Variants in PRMT1 observed in about 807,000 individuals in gnomAD.
PRMT1 encodes protein arginine N-methyltransferase 1.
A neutral mutation model predicts 47.4 loss-of-function variants in PRMT1; 5 were observed. The ratio of observed to expected loss-of-function variants is 0.11; its 90% CI spans 0.06 to 0.22. The LOEUF (loss-of-function observed/expected upper bound fraction) is 0.22. Ranked by LOEUF, PRMT1 falls within the 10% of genes least tolerant of loss-of-function variation. The pLI is 1.00. For missense variants in PRMT1, 249 were observed against 518.4 expected (o/e 0.48, Z 5.05); for synonymous variants, 227 against 204.6 (o/e 1.11, Z -0.94).
chr19:49,682,305 G>T, intron 5 of PRMT1, 46 bp downstream of exon 5: 1 of 1,587,416 alleles, frequency 6.3e-7, no homozygotes, highest in Non-Finnish European at 8.6e-7. Context: ...AGGGGGTGAT[G>T]CCCTGCTTCC....
chr19:49,684,606 G>A lies in PRMT1; in HGVS notation c.556-148G>A, dbSNP rs111663191. ...TGCCCCTGGGTGCCCTCTGGCGGCC[G>A]TGTGGGAAATAGACCAGGGGGCGAG... On this transcript the variant is annotated intron_variant, in intron 6 of 10. Coordinates refer to ENST00000454376, the MANE Select transcript of PRMT1 (RefSeq NM_001536.6). The surrounding 1 kb of genome is among the most constrained non-coding windows in gnomAD (Gnocchi z 6.2). 67 of 945,136 alleles carry A rather than the reference G, an allele frequency of 7.1e-5. No homozygotes were observed. The highest frequency in any genetic ancestry group is 3.2e-4 in the African/African-American group (19 of 59,854). 58.5% of individuals were successfully genotyped at this position (945,136 alleles called of 1,614,324 possible).
rs947761964 is a variant in PRMT1, at chr19:49,685,239, T to C, written c.759+202T>C. The stretch of plus-strand genomic sequence containing the variant: ...TGTGAGCGCTGCTGTGTGAGAACCA[T>C]GCTTGGCACTTGGCTTCTGGCGGAG... On this transcript the variant is annotated intron_variant, in intron 8 of 10. Coordinates refer to ENST00000454376, the MANE Select transcript of PRMT1 (RefSeq NM_001536.6). The surrounding 1 kb of genome is among the most constrained non-coding windows in gnomAD (Gnocchi z 4.7). 12 of 1,495,888 alleles carry C rather than the reference T, an allele frequency of 8.0e-6. No homozygotes were observed. Among genetic ancestry groups the C allele is most frequent in the Admixed American group, 4.3e-5 (2 of 46,960 alleles). 92.7% of individuals were successfully genotyped at this position (1,495,888 alleles called of 1,614,324 possible).
Position 49,680,795 on chromosome 19 carries a change from C to G in PRMT1, c.192+207C>G, listed in dbSNP as rs1338482961. ...CCTGAATCTCTGCAGGGGCCTCGCGCCGAAGGCTGGGGTGGGAGAGCGCAT... is the reference window on the plus strand; with the variant it reads ...CCTGAATCTCTGCAGGGGCCTCGCGGCGAAGGCTGGGGTGGGAGAGCGCAT... On this transcript the variant is annotated intron_variant, in intron 3 of 10. Coordinates refer to ENST00000454376, the MANE Select transcript of PRMT1 (RefSeq NM_001536.6). The surrounding 1 kb of genome is among the most constrained non-coding windows in gnomAD (Gnocchi z 4.2). Among the ~76,000 whole-genome samples, 3 of 152,248 alleles carry G rather than the reference C, an allele frequency of 2.0e-5. No individual in the cohort carries two copies. The highest frequency in any genetic ancestry group is 7.2e-5 in the African/African-American group (3 of 41,472).
chr19:49,686,007 C>G, intron 8 of PRMT1, 86 bp from the exon 9 acceptor site: 1 of 1,540,308 alleles, frequency 6.5e-7, no homozygotes, highest in Non-Finnish European at 8.7e-7. Context: ...AGCGAGGTCA[C>G]AGGCCCTCTG....
chr19:49,688,215 G>A lies in PRMT1; in HGVS notation c.1086G>A (p.Leu362=), dbSNP rs1429911355. The change falls in exon 11 of 11, where the codon CTG becomes CTA. Residue 362 remains leucine (L), a synonymous_variant. Transcript: ENST00000454376. The surrounding 1 kb of genome is among the most constrained non-coding windows in gnomAD (Gnocchi z 5.3). The part of the protein sequence containing the change: ...DLDFKGQLCE[L]SCSTDYRMR ...ACTTCAAGGGCCAGCTGTGCGAGCT[G>A]TCCTGCTCCACCGACTACCGGATGC... The A allele has an allele frequency of 1.9e-6, 3 of 1,613,884 alleles. No individual in the cohort carries two copies. Among genetic ancestry groups the A allele is most frequent in the African/African-American group, 2.7e-5 (2 of 74,898 alleles).
rs1052915628 is a variant in PRMT1, at chr19:49,681,603, T to C, written c.193-307T>C. On this transcript the variant is annotated intron_variant, in intron 3 of 10. Transcript: ENST00000454376. The surrounding 1 kb of genome is among the most constrained non-coding windows in gnomAD (Gnocchi z 4.4). ...AAATACAAAAATTAGCCGGGCATGG[T>C]GGTGTGCACCTATAATCTCAGCTAC... 1.3e-5 allele frequency among the ~76,000 whole-genome samples: 2 copies of C among 152,012 alleles called. No homozygotes were observed. Among genetic ancestry groups the C allele is most frequent in the African/African-American group, 4.8e-5 (2 of 41,402 alleles).
chr19:49,683,208 C>T (rs966471750), intron 5 of PRMT1, among the ~76,000 whole-genome samples: 16 of 151,774 alleles, frequency 1.1e-4, no homozygotes, highest in Non-Finnish European at 1.6e-4. Flanking sequence ...CGTGAGCCAC[C>T]GTGCCATCCT....
intron 1 of PRMT1, chr19:49,677,554 G>A (rs2082054655): frequency 5.1e-6 from 2 of 391,862 alleles, no homozygotes; most frequent in African/African-American, 2.1e-5. Flanking sequence ...CGTGGAGGAG[G>A]GCTGGGGGCG....
intron 10 of PRMT1, among the ~76,000 whole-genome samples, chr19:49,687,428 T>C (rs1355049493): frequency 1.3e-5 from 2 of 151,806 alleles, no homozygotes; most frequent in East Asian, 3.9e-4. Context: ...CTCAGGGTAG[T>C]CATGGAATGT....
chr19:49,684,652 TGAG>T lies in PRMT1; in HGVS notation c.556-100_556-98del. On this transcript the variant is annotated intron_variant, in intron 6 of 10. Transcript: ENST00000454376. This position sits in a 1 kb window ranked among gnomAD's most constrained non-coding sequence, Gnocchi z 6.2. ...GCGAGGGGTGAGTGCCGCTGCGACATGAGGGTGGCCCAGACCAGGGCAGGAGGC... is the reference window on the plus strand; with the variant it reads ...GCGAGGGGTGAGTGCCGCTGCGACATGGTGGCCCAGACCAGGGCAGGAGGC... The T allele has an allele frequency of 7.7e-7, 1 of 1,306,356 alleles. No homozygotes were observed. The highest frequency in any genetic ancestry group is 1.1e-6 in the Non-Finnish European group (1 of 940,018). The allele number at this position is 1,306,356 out of a possible 1,614,324, so 80.9% of individuals were successfully genotyped here. A position where few individuals can be genotyped will look rare whatever the true frequency, so the allele number is the denominator to read the frequency against.
rs193204412 is a variant in PRMT1 at position 49,684,280 on chromosome 19, G to A, written c.555+211G>A. On this transcript the variant is annotated intron_variant, in intron 6 of 10. Coordinates refer to ENST00000454376, the MANE Select transcript of PRMT1 (RefSeq NM_001536.6). The surrounding 1 kb of genome is among the most constrained non-coding windows in gnomAD (Gnocchi z 6.2). ...GTAGGAACAGGAAATCCGTAGCGGC[G>A]CAATAGCCCAGGTCCTTAGGCCCCA... Among the ~76,000 whole-genome samples the A allele has an allele frequency of 6.6e-5, 10 of 151,798 alleles. No individual in the cohort carries two copies. The highest frequency in any genetic ancestry group is 8.8e-5 in the Non-Finnish European group (6 of 67,912).
At chr19:49,676,404 C>G (rs1270483545), upstream of PRMT1, 1 of 152,216 alleles carries the variant, frequency 6.6e-6, no homozygotes, top group Non-Finnish European at 1.5e-5. Flanking sequence ...AAGCTGTGCT[C>G]TGATTCACGT....
intron 5 of PRMT1, among the ~76,000 whole-genome samples, chr19:49,683,407 G>A (rs543758226): frequency 1.3e-5 from 2 of 151,930 alleles, no homozygotes; most frequent in Admixed American, 6.6e-5. Context: ...ACAAAATCGC[G>A]GCCGGGCACA....
intron 1 of PRMT1, among the ~76,000 whole-genome samples, chr19:49,678,581 C>G (rs2082070874): frequency 1.3e-5 from 2 of 152,152 alleles, no homozygotes; most frequent in African/African-American, 2.4e-5. Flanking sequence ...TGACGTGGCC[C>G]TTCTTGGAGA....
chr19:49,682,376 C>G (rs2082132096), intron 5 of PRMT1, 117 bp downstream of exon 5: 10 of 1,138,540 alleles, frequency 8.8e-6, no homozygotes, highest in Non-Finnish European at 1.3e-5. Context: ...AGCTCCCAAC[C>G]CATGGTCTTT....
chr19:49,678,122 TG>T (rs1225550850), intron 1 of PRMT1: 1 of 152,064 alleles, frequency 6.6e-6, no homozygotes, highest in Non-Finnish European at 1.5e-5. Flanking sequence ...ATCTTTTTCA[TG>T]GGGCGTGTCC....
chr19:49,677,181 C>A, upstream of PRMT1: 1 of 1,188,944 alleles, frequency 8.4e-7, no homozygotes, highest in South Asian at 2.7e-5. Flanking sequence ...AGCGGGGTCG[C>A]GGTAGGCGGG....
At chr19:49,677,475 G>A (rs749001568) in intron 1 of PRMT1, 159 bp downstream of exon 1, 15 of 537,228 alleles carry the variant, frequency 2.8e-5, no homozygotes, top group Non-Finnish European at 4.1e-5. Flanking sequence ...TATCGTTTGA[G>A]GTGACGGCTC....
rs111983858 is a variant in PRMT1, at chr19:49,680,624, G to A, written c.192+36G>A. ...ACAGTCCCCAAGGCCCCAATCTTAG[G>A]GGGGCTTAAATGTTGGGGAAGGGGT... On this transcript the variant is annotated intron_variant, in intron 3 of 10. Coordinates refer to ENST00000454376, the MANE Select transcript of PRMT1 (RefSeq NM_001536.6). The surrounding 1 kb of genome is among the most constrained non-coding windows in gnomAD (Gnocchi z 4.2). The A allele has an allele frequency of 4.0e-6, 6 of 1,508,740 alleles. No individual in the cohort carries two copies. The highest frequency in any genetic ancestry group is 2.7e-5 in the African/African-American group (2 of 72,850). 93.5% of individuals were successfully genotyped at this position (1,508,740 alleles called of 1,614,324 possible). A position where few individuals can be genotyped will look rare whatever the true frequency, so the allele number is the denominator to read the frequency against.
Sources: gnomAD v4.1 joint callset for allele counts (sites outside exome capture counted in the v4.1 genomes callset) on GRCh38, gnomAD v4.1.1 for gene constraint, Gnocchi (gnomAD v3.1) non-coding constraint, MANE v1.5 for transcripts, NCBI Gene and HGNC (gene_info 2026-07-23, HGNC 2026-07-21) for gene names.